The following CDH4 variants were observed in gnomAD, a reference collection of about 807,000 sequenced individuals.
The protein encoded by CDH4 is cadherin-4.
A neutral mutation model predicts 86.0 loss-of-function variants in CDH4; 33 were observed. That is an observed-to-expected ratio of 0.38 (90% confidence interval 0.29 to 0.51). The LOEUF (loss-of-function observed/expected upper bound fraction) is 0.51, where lower values mean the gene tolerates loss of function less well. Among genes scored for constraint, CDH4 ranks in the 20% least tolerant of loss-of-function variants. The pLI is 0.86. For missense variants in CDH4, 1,114 were observed against 1,307.4 expected (o/e 0.85, Z 2.28); for synonymous variants, 555 against 549.4 (o/e 1.01, Z -0.14).
At chr20:61,933,612 TC>T (rs1189019873) in intron 14 of CDH4, among the ~76,000 whole-genome samples, 1 of 151,918 alleles carries the variant, frequency 6.6e-6, no homozygotes, top group Non-Finnish European at 1.5e-5. Flanking sequence ...TCCCTGCCCC[TC>T]CCACAACACG....
At chr20:61,552,173 AT>A (rs2145674669) in intron 2 of CDH4, among the ~76,000 whole-genome samples, 1 of 152,372 alleles carries the variant, frequency 6.6e-6, no homozygotes, top group African/African-American at 2.4e-5. Context: ...AAAGGATACC[AT>A]CAAAAAAGTG....
At position 61,269,215 on chromosome 20, in the gene CDH4, A is replaced by G. The variant is rs1222673571; in HGVS notation, c.169+14278A>G. 6.6e-6 allele frequency among the ~76,000 whole-genome samples: 1 copy of G among 152,110 alleles called. No individual in the cohort carries two copies. Among genetic ancestry groups the G allele is most frequent in the Non-Finnish European group, 1.5e-5 (1 of 68,008 alleles). On this transcript the variant is annotated intron_variant, in intron 2 of 15. Coordinates refer to ENST00000614565, the MANE Select transcript of CDH4 (RefSeq NM_001794.5). The surrounding 1 kb of genome is among the most constrained non-coding windows in gnomAD (Gnocchi z 5.3). ...GGCATGTTACTAACCCTCCTTTCAC[A>G]GAGTTGGGGTGCTGACATAGGACAG...
intron 2 of CDH4, among the ~76,000 whole-genome samples, chr20:61,560,423 A>C (rs1192085897): frequency 2.0e-5 from 3 of 152,208 alleles, no homozygotes; most frequent in Non-Finnish European, 4.4e-5. Context: ...GCATTGATTT[A>C]AGCTTATTTG....
chr20:61,850,742 C>T (rs550767027), intron 5 of CDH4, among the ~76,000 whole-genome samples: 1 of 152,246 alleles, frequency 6.6e-6, no homozygotes, highest in Non-Finnish European at 1.5e-5. Flanking sequence ...TTGCGTGTTT[C>T]CTCCACCGTC....
chr20:61,931,675 C>CCTG (rs1357247559), intron 13 of CDH4, among the ~76,000 whole-genome samples: 2 of 152,170 alleles, frequency 1.3e-5, no homozygotes, highest in African/African-American at 4.8e-5. Context: ...GGCTGCATTA[C>CCTG]CTGCTCCTGG....
At chr20:61,386,406 C>T (rs920720990) in intron 2 of CDH4, among the ~76,000 whole-genome samples, 5 of 152,198 alleles carry the variant, frequency 3.3e-5, no homozygotes, top group African/African-American at 4.8e-5. Flanking sequence ...CCACCTCTCT[C>T]TCTAGGTCAA....
chr20:61,580,124 A>ATGCTGC (rs1297453355), intron 2 of CDH4, among the ~76,000 whole-genome samples: 3,066 of 147,484 alleles, frequency 0.021, 69 homozygotes, highest in African/African-American at 0.056. Context: ...CACTGCTACA[A>ATGCTGC]AAAAAAAAAA....
chr20:61,682,467 G>A (rs2087527344), intron 2 of CDH4, among the ~76,000 whole-genome samples: 1 of 149,276 alleles, frequency 6.7e-6, no homozygotes, highest in Non-Finnish European at 1.5e-5. Flanking sequence ...AGGGAGGGAT[G>A]GATGGATGGA....
intron 2 of CDH4, among the ~76,000 whole-genome samples, chr20:61,630,587 C>T (rs1043579002): frequency 7.9e-5 from 12 of 152,192 alleles, no homozygotes; most frequent in African/African-American, 2.2e-4. Context: ...GGGGCTTCAG[C>T]GCCTTCCTCC....
chr20:61,470,635 G>GT (rs2085496727), intron 2 of CDH4, among the ~76,000 whole-genome samples: 3 of 151,794 alleles, frequency 2.0e-5, no homozygotes, highest in African/African-American at 4.8e-5. Flanking sequence ...AAGGCTTTCA[G>GT]TTTTTTTTCT....
In CDH4 at chr20:61,676,157, C is replaced by T. The variant is rs531116190; in HGVS notation, c.170-67406C>T. ...GTTCTCTGAATGGGGCCTGCCAGTT[C>T]GAATTTGCACGTGCAGAAAATCACA... On this transcript the variant is annotated intron_variant, in intron 2 of 15. Transcript: ENST00000614565. The surrounding 1 kb of genome is among the most constrained non-coding windows in gnomAD (Gnocchi z 4.5). 2.6e-5 allele frequency among the ~76,000 whole-genome samples: 4 copies of T among 152,322 alleles called. No individual in the cohort carries two copies. Among genetic ancestry groups the T allele is most frequent in the South Asian group, 4.1e-4 (2 of 4,828 alleles).
intron 2 of CDH4, among the ~76,000 whole-genome samples, chr20:61,494,113 G>A (rs976742548): frequency 3.3e-5 from 5 of 152,344 alleles, no homozygotes; most frequent in Middle Eastern, 3.4e-3. Context: ...AGACAGGAGC[G>A]CTCAGTGGGG....
At chr20:61,460,164 G>C (rs556285044) in intron 2 of CDH4, among the ~76,000 whole-genome samples, 153 of 152,294 alleles carry the variant, frequency 1.0e-3, no homozygotes, top group African/African-American at 3.5e-3. Context: ...TGTTAACAGG[G>C]AGCGCTTTGC....
intron 7 of CDH4, among the ~76,000 whole-genome samples, chr20:61,893,409 TG>T (rs1378422528): frequency 2.0e-5 from 3 of 149,542 alleles, no homozygotes; most frequent in South Asian, 2.1e-4. Context: ...GGATGGTGGA[TG>T]GAGGGGTGAG....
At position 61,252,639 on chromosome 20, in the gene CDH4, C is replaced by CG. The variant is rs2084068732; in HGVS notation, c.57+73dup. Reference sequence around the variant, plus strand: ...AGCGGGAGGTCGTCCCCGGATCCCGCGGGGCGCTCACACACCCGGCGGGGC... The same window carrying CG: ...AGCGGGAGGTCGTCCCCGGATCCCGCGGGGGCGCTCACACACCCGGCGGGGC... On this transcript the variant is annotated intron_variant, in intron 1 of 15. Transcript: ENST00000614565. The surrounding 1 kb of genome is among the most constrained non-coding windows in gnomAD (Gnocchi z 4.4). 1.0e-6 allele frequency: 1 copy of CG among 989,654 alleles called. No homozygotes were observed. The highest frequency in any genetic ancestry group is 1.3e-6 in the Non-Finnish European group (1 of 778,956). The allele number at this position is 989,654 out of a possible 1,614,324, so 61.3% of individuals were successfully genotyped here.
At chr20:61,345,191 C>T (rs985304253) in intron 2 of CDH4, among the ~76,000 whole-genome samples, 7 of 152,190 alleles carry the variant, frequency 4.6e-5, no homozygotes, top group East Asian at 3.8e-4. Context: ...AGGCCCAGTG[C>T]GCCTCCCTCA....
At position 61,910,510 on chromosome 20, in the gene CDH4, G is replaced by C; in HGVS notation, c.1277G>C (p.Trp426Ser). 1 of 1,614,006 alleles carries C rather than the reference G, an allele frequency of 6.2e-7. No homozygotes were observed. Among genetic ancestry groups the C allele is most frequent in the Non-Finnish European group, 8.5e-7 (1 of 1,180,038 alleles). ...CGAGATCAGCCCCACTCTCCAAACT[G>C]GAATGCCGTTTACCGCATCATCAGT... ...MDRDQPHSPNWNAVYRIISGD... is the reference protein window; with the variant it reads ...MDRDQPHSPNSNAVYRIISGD... Residue 426 changes from tryptophan to serine, a missense_variant, in exon 9 of 16, where the codon TGG becomes TCG. Trp to Ser is a radical substitution (Grantham distance 177). Around this residue, in one of 3 missense-constraint regions of CDH4, gnomAD observed 705 missense variants for 914.1 expected, o/e 0.77. Coordinates refer to ENST00000614565, the MANE Select transcript of CDH4 (RefSeq NM_001794.5).
At chr20:61,796,307 T>C (rs1600997248) in intron 4 of CDH4, among the ~76,000 whole-genome samples, 1 of 152,058 alleles carries the variant, frequency 6.6e-6, no homozygotes, top group Non-Finnish European at 1.5e-5. Flanking sequence ...CCAGGGCACA[T>C]GACAACCGCT....
intron 2 of CDH4, among the ~76,000 whole-genome samples, chr20:61,468,364 CTT>C (rs4002560): frequency 0.79 from 120,033 of 152,050 alleles, 48,499 homozygotes; most frequent in African/African-American, 0.95. Flanking sequence ...AGGTTAAATT[CTT>C]TCTCTTTCTC....
Sources: gnomAD v4.1 joint callset for allele counts (sites outside exome capture counted in the v4.1 genomes callset) on GRCh38, gnomAD v4.1.1 for gene constraint, gnomAD v4.1.1 regional missense constraint, Gnocchi (gnomAD v3.1) non-coding constraint, MANE v1.5 for transcripts, NCBI Gene and HGNC (gene_info 2026-07-23, HGNC 2026-07-21) for gene names.